MCC: variants seen among roughly 807,000 people sequenced by gnomAD.
MCC encodes the protein MCC regulator of Wnt signaling pathway.
A neutral mutation model predicts 116.2 loss-of-function variants in MCC; 90 were observed. The ratio of observed to expected loss-of-function variants is 0.77; its 90% CI spans 0.65 to 0.92. The LOEUF (loss-of-function observed/expected upper bound fraction) is 0.92. MCC is among the 40% of genes least tolerant of loss of function. The pLI, the probability that MCC is intolerant of heterozygous loss-of-function variation, is 0.00. For missense variants in MCC, 1,516 were observed against 1,312.2 expected, an observed-to-expected ratio of 1.16 and a Z score of -2.40; for synonymous variants, 578 against 510.5, an observed-to-expected ratio of 1.13 and a Z score of -1.78.
chr5:113,182,014 G>T (rs1761655247), intron 3 of MCC, among the ~76,000 whole-genome samples: 1 of 152,176 alleles, frequency 6.6e-6, no homozygotes, highest in African/African-American at 2.4e-5. Flanking sequence ...TGCTAACATG[G>T]AGGAGAGGTG....
intron 14 of MCC, among the ~76,000 whole-genome samples, chr5:113,061,586 T>C (rs981371665): frequency 4.6e-5 from 7 of 152,224 alleles, no homozygotes; most frequent in African/African-American, 1.4e-4. Context: ...AACAGTCAAC[T>C]GAGGGTTGGC....
chr5:113,294,718 C>T (rs1009509106), intron 3 of MCC: 1 of 1,009,110 alleles, frequency 9.9e-7, no homozygotes, highest in Non-Finnish European at 1.2e-6. Flanking sequence ...CGCCGCCTCG[C>T]CACTCCTACG....
intron 1 of MCC, among the ~76,000 whole-genome samples, chr5:113,442,900 A>G (rs903201611): frequency 2.6e-5 from 4 of 152,192 alleles, no homozygotes; most frequent in Admixed American, 2.0e-4. Flanking sequence ...TGGTTACTGT[A>G]GCCTTGTAGT....
chr5:113,180,184 C>T (rs773690615), intron 3 of MCC, among the ~76,000 whole-genome samples: 8 of 152,126 alleles, frequency 5.3e-5, no homozygotes, highest in South Asian at 2.1e-4. Context: ...TACTACTTAT[C>T]GTCACGTGTT....
chr5:113,246,204 G>A (rs551335091), intron 3 of MCC, among the ~76,000 whole-genome samples: 1 of 152,180 alleles, frequency 6.6e-6, no homozygotes, highest in South Asian at 2.1e-4. Context: ...GACATTTTAG[G>A]GTTCTGGAGG....
At chr5:113,142,249 C>G (rs567976466) in intron 5 of MCC, among the ~76,000 whole-genome samples, 7 of 150,874 alleles carry the variant, frequency 4.6e-5, no homozygotes, top group African/African-American at 1.4e-4. Context: ...GCCTCTGAAA[C>G]TGTTTTAAAA....
intron 3 of MCC, among the ~76,000 whole-genome samples, chr5:113,225,179 A>G (rs1581275131): frequency 6.6e-6 from 1 of 152,258 alleles, no homozygotes; most frequent in Non-Finnish European, 1.5e-5. Context: ...TGTCAACATC[A>G]TAACACTAGT....
rs569126108 is a variant in MCC at position 113,391,071 on chromosome 5, T to C, written c.171-5859A>G. 2.0e-5 allele frequency among the ~76,000 whole-genome samples: 3 copies of C among 152,344 alleles called. No individual in the cohort carries two copies. In the East Asian group the frequency reaches 5.8e-4, roughly 29 times the overall value. ...GTTGAACGGAATAAATGCATTTGCC[T>C]TTCTTTCATCATTGCTTCTTACGAA... On this transcript the variant is annotated intron_variant, in intron 1 of 18. Transcript: ENST00000408903.
At chr5:113,416,681 G>C (rs1324809008) in intron 1 of MCC, among the ~76,000 whole-genome samples, 1 of 152,088 alleles carries the variant, frequency 6.6e-6, no homozygotes, top group Non-Finnish European at 1.5e-5. Flanking sequence ...GTTAGATGAA[G>C]TGGCTAGAAA....
rs551104222 is a variant in MCC, at chr5:113,328,111, G to A, written c.627+12408C>T. ...ATGTAAATGCCAGTCTTATAAATAC[G>A]ACTTACCTCTCCCCTGAGAGAAATA... On this transcript the variant is annotated intron_variant, in intron 3 of 18. Coordinates refer to ENST00000408903, the MANE Select transcript of MCC (RefSeq NM_001085377.2). Among the ~76,000 whole-genome samples, 32 of 152,138 alleles carry A rather than the reference G, an allele frequency of 2.1e-4. 1 individual carries two copies. Among genetic ancestry groups the A allele is most frequent in the Admixed American group, 1.6e-3 (24 of 15,282 alleles).
Position 113,026,331 on chromosome 5 carries a change from T to C in MCC, c.*971A>G, listed in dbSNP as rs1359590589. On this transcript the variant is annotated 3_prime_UTR_variant, in exon 19 of 19. Transcript: ENST00000408903. Reference sequence around the variant, plus strand: ...TGCAAAATGTTCAGTATCTCCTCAGTGTCTTGTCCTTAGGTAGAGACAGGT... The same window carrying C: ...TGCAAAATGTTCAGTATCTCCTCAGCGTCTTGTCCTTAGGTAGAGACAGGT... 2 of 152,268 alleles carry C rather than the reference T, an allele frequency of 1.3e-5. No individual in the cohort carries two copies. The highest frequency in any genetic ancestry group is 2.9e-5 in the Non-Finnish European group (2 of 68,060). The allele number at this position is 152,268 out of a possible 1,614,324, so 9.4% of individuals were successfully genotyped here. A position where few individuals can be genotyped will look rare whatever the true frequency, so the allele number is the denominator to read the frequency against.
intron 14 of MCC, among the ~76,000 whole-genome samples, chr5:113,057,493 C>A (rs1035774062): frequency 5.1e-5 from 3 of 58,420 alleles, no homozygotes; most frequent in African/African-American, 7.1e-5. Context: ...TTTTCTCAAG[C>A]TGTATTTTAA....
chr5:113,462,583 A>AT (rs1561585323), intron 1 of MCC, among the ~76,000 whole-genome samples: 1 of 152,224 alleles, frequency 6.6e-6, no homozygotes, highest in African/African-American at 2.4e-5. Flanking sequence ...GATTCCGACA[A>AT]TGTGAGAAAA....
chr5:113,477,243 A>T (rs1772256253), intron 1 of MCC, among the ~76,000 whole-genome samples: 1 of 152,216 alleles, frequency 6.6e-6, no homozygotes, highest in Non-Finnish European at 1.5e-5. Flanking sequence ...ACAAAACAAG[A>T]CAAAAACCAG....
intron 1 of MCC, among the ~76,000 whole-genome samples, chr5:113,423,823 C>T (rs1177066945): frequency 6.6e-6 from 1 of 152,090 alleles, no homozygotes; most frequent in Non-Finnish European, 1.5e-5. Context: ...TGGCTGATCC[C>T]CACTTGCTTC....
At chr5:113,170,834 T>C (rs1206214625) in intron 3 of MCC, among the ~76,000 whole-genome samples, 3 of 152,088 alleles carry the variant, frequency 2.0e-5, no homozygotes, top group Non-Finnish European at 4.4e-5. Flanking sequence ...AATACTTATC[T>C]CTAAGGGCAA....
chr5:113,422,500 A>G (rs1013049974), intron 1 of MCC, among the ~76,000 whole-genome samples: 1 of 152,250 alleles, frequency 6.6e-6, no homozygotes, highest in African/African-American at 2.4e-5. Context: ...AATGGCTCAC[A>G]AAATTCCTGA....
At chr5:113,189,059 G>T (rs1410366346) in intron 3 of MCC, among the ~76,000 whole-genome samples, 1 of 152,184 alleles carries the variant, frequency 6.6e-6, no homozygotes. Context: ...TTGGAGGAGT[G>T]AGGCCGTCTA....
At chr5:113,027,567 T>G in intron 18 of MCC, 85 bp from the exon 19 acceptor site, 16 of 1,166,962 alleles carry the variant, frequency 1.4e-5, no homozygotes, top group Non-Finnish European at 1.6e-5. Flanking sequence ...TAACCAGATC[T>G]AGTGAGCACT....
Sources: allele counts gnomAD v4.1 joint callset (sites outside exome capture counted in the v4.1 genomes callset), GRCh38; gene constraint gnomAD v4.1.1; transcripts MANE v1.5; gene names NCBI Gene and HGNC (gene_info 2026-07-23, HGNC 2026-07-21).